AKR1C1: variants seen among roughly 807,000 people sequenced by gnomAD.
AKR1C1 encodes 20 alpha-hydroxysteroid dehydrogenase.
Under a neutral mutation model 40.6 loss-of-function variants are expected in AKR1C1, and 32 were observed. That is an observed-to-expected ratio of 0.79 (90% CI 0.60 to 1.06). AKR1C1 has a LOEUF of 1.06. Ranked by LOEUF, AKR1C1 falls within the 50% of genes least tolerant of loss-of-function variation. The probability of loss-of-function intolerance (pLI) is 0.00; values close to 1 mark genes in which losing one functional copy is unlikely to be tolerated. For synonymous variants in AKR1C1, 105 were observed against 134.2 expected (o/e 0.78, Z 1.50); for missense variants, 320 against 363.5 (o/e 0.88, Z 0.97).
intron 8 of AKR1C1, 147 bp from the exon 9 acceptor site, chr10:4,977,553 T>C: frequency 1.1e-6 from 1 of 885,112 alleles, no homozygotes; most frequent in Non-Finnish European, 1.7e-6. Context: ...GTCACATTCA[T>C]TAAACAAAGA....
chr10:4,966,970 T>G lies in AKR1C1; in HGVS notation c.296T>G (p.Leu99Trp). Residue 99 changes from leucine to tryptophan, a missense_variant, in exon 3 of 9, where the codon TTG (leucine) becomes TGG (tryptophan). Physicochemically the swap from Leu to Trp is moderately conservative, Grantham distance 61. Transcript: ENST00000380872. Reference protein sequence around the residue: ...SHRPELVRPALERSLKNLQLD... With the variant: ...SHRPELVRPAWERSLKNLQLD... Reference sequence around the variant, plus strand: ...CGACCAGAGTTGGTCCGACCAGCCTTGGAAAGGTCACTGAAAAATCTTCAA... The same window carrying G: ...CGACCAGAGTTGGTCCGACCAGCCTGGGAAAGGTCACTGAAAAATCTTCAA... 1 of 1,613,948 alleles carries G rather than the reference T, an allele frequency of 6.2e-7. No individual in the cohort carries two copies. The highest frequency in any genetic ancestry group is 1.7e-4 in the Middle Eastern group (1 of 6,056).
intron 8 of AKR1C1, among the ~76,000 whole-genome samples, chr10:4,977,228 C>G (rs75527127): frequency 0.016 from 2,509 of 152,276 alleles, 30 homozygotes; most frequent in Non-Finnish European, 0.023. Flanking sequence ...TGAATCTAAC[C>G]AACTATGTTG....
At chr10:4,969,738 T>C (rs182016868) in intron 5 of AKR1C1, 39 of 1,611,868 alleles carry the variant, frequency 2.4e-5, no homozygotes, top group Admixed American at 6.7e-5. Context: ...CTTGATCAAA[T>C]TGACTGTCCC....
chr10:4,971,583 A>G (rs776862272), intron 5 of AKR1C1, among the ~76,000 whole-genome samples: 119 of 148,290 alleles, frequency 8.0e-4, no homozygotes, highest in Non-Finnish European at 1.5e-3. Flanking sequence ...AAAAGACAAA[A>G]GCACTTGTTT....
Position 4,977,972 on chromosome 10 carries a change from G to T in AKR1C1, c.*230G>T. 8.6e-6 allele frequency: 5 copies of T among 579,976 alleles called. No individual in the cohort carries two copies. Among genetic ancestry groups the T allele is most frequent in the Non-Finnish European group, 1.5e-5 (5 of 336,534 alleles). 35.9% of individuals were successfully genotyped at this position (579,976 alleles called of 1,614,324 possible). On this transcript the variant is annotated 3_prime_UTR_variant, in exon 9 of 9. Transcript: ENST00000380872. ...TCCTAAAGATTCTTCACCTACTTTGGTCTCCATAACTTCTATGTTTTCTTT... is the reference window on the plus strand; with the variant it reads ...TCCTAAAGATTCTTCACCTACTTTGTTCTCCATAACTTCTATGTTTTCTTT...
chr10:4,966,975 A>G lies in AKR1C1; in HGVS notation c.301A>G (p.Arg101Gly), dbSNP rs1223380315. The G allele has an allele frequency of 6.2e-7, 1 of 1,613,948 alleles. No individual in the cohort carries two copies. The highest frequency in any genetic ancestry group is 8.5e-7 in the Non-Finnish European group (1 of 1,179,838). Residue 101 changes from arginine (R) to glycine (G), a missense_variant, in exon 3 of 9, where the codon AGG becomes GGG. Coordinates refer to ENST00000380872, the MANE Select transcript of AKR1C1 (RefSeq NM_001353.6). ...AGAGTTGGTCCGACCAGCCTTGGAA[A>G]GGTCACTGAAAAATCTTCAATTGGA... ...RPELVRPALERSLKNLQLDYV... is the reference protein window; with the variant it reads ...RPELVRPALEGSLKNLQLDYV...
intron 5 of AKR1C1, among the ~76,000 whole-genome samples, chr10:4,970,181 G>A (rs2131643416): frequency 6.6e-6 from 1 of 152,238 alleles, no homozygotes; most frequent in East Asian, 1.9e-4. Flanking sequence ...GCATGTCACA[G>A]GAATGAAGAT....
At chr10:4,971,092 A>C (rs1836419714) in intron 5 of AKR1C1, among the ~76,000 whole-genome samples, 1 of 151,998 alleles carries the variant, frequency 6.6e-6, no homozygotes, top group Non-Finnish European at 1.5e-5. Flanking sequence ...CCCATGACAA[A>C]TTTTCACATA....
intron 1 of AKR1C1, 75 bp from the exon 2 acceptor site, chr10:4,965,839 G>A: frequency 1.3e-6 from 2 of 1,521,372 alleles, no homozygotes; most frequent in South Asian, 1.3e-5. Flanking sequence ...TGATTTTTGT[G>A]AACGTCGCTA....
rs754902813 is a variant in AKR1C1, at chr10:4,966,983, G to A, written c.309G>A (p.Leu103=). ...TCCGACCAGCCTTGGAAAGGTCACTGAAAAATCTTCAATTGGATTATGTTG... is the reference window on the plus strand; with the variant it reads ...TCCGACCAGCCTTGGAAAGGTCACTAAAAAATCTTCAATTGGATTATGTTG... ...ELVRPALERS[L]KNLQLDYVDL... The change falls in exon 3 of 9, where the codon CTG becomes CTA. Residue 103 remains leucine (L), a synonymous_variant. Transcript: ENST00000380872. 3 of 1,613,750 alleles carry A rather than the reference G, an allele frequency of 1.9e-6. No individual in the cohort carries two copies. The highest frequency in any genetic ancestry group is 2.5e-6 in the Non-Finnish European group (3 of 1,179,818).
At chr10:4,969,159 T>A (rs1030125558) in intron 5 of AKR1C1, among the ~76,000 whole-genome samples, 1 of 152,216 alleles carries the variant, frequency 6.6e-6, no homozygotes, top group Non-Finnish European at 1.5e-5. Flanking sequence ...AATTGTGTGT[T>A]ATATTTATGG....
At chr10:4,969,690 A>C in intron 5 of AKR1C1, 1 of 1,611,918 alleles carries the variant, frequency 6.2e-7, no homozygotes, top group Non-Finnish European at 8.5e-7. Context: ...AGATAATTCC[A>C]TCTTTTCCTT....
chr10:4,968,059 A>C, intron 3 of AKR1C1: 1 of 547,094 alleles, frequency 1.8e-6, no homozygotes, highest in Admixed American at 3.9e-5. Context: ...AAAGTCAATG[A>C]TGACACTCCA....
In AKR1C1 at chr10:4,975,558, C is replaced by A. The variant is rs555255641; in HGVS notation, c.847-293C>A. On this transcript the variant is annotated intron_variant, in intron 7 of 8. Coordinates refer to ENST00000380872, the MANE Select transcript of AKR1C1 (RefSeq NM_001353.6). The stretch of plus-strand genomic sequence containing the variant: ...CTTGTGGGTCTTCTAGGTACATGAC[C>A]CTATCATGTGGGCACAAAGTAAGCT... 2.0e-5 allele frequency among the ~76,000 whole-genome samples: 3 copies of A among 152,030 alleles called. No homozygotes were observed. In the East Asian group the frequency reaches 5.8e-4, roughly 29 times the overall value.
At chr10:4,973,417 C>T (rs1250107776) in intron 7 of AKR1C1, among the ~76,000 whole-genome samples, 11 of 152,300 alleles carry the variant, frequency 7.2e-5, no homozygotes, top group Admixed American at 2.6e-4. Flanking sequence ...CAGGATGTCC[C>T]TGGGGCATCT....
chr10:4,976,543 T>G (rs1836528739), intron 8 of AKR1C1, among the ~76,000 whole-genome samples: 1 of 152,222 alleles, frequency 6.6e-6, no homozygotes, highest in African/African-American at 2.4e-5. Context: ...CACTTGGCCT[T>G]GGTGTTCTGC....
rs1320804054 is a variant in AKR1C1 at position 4,979,662 on chromosome 10, A to C, written c.*1920A>C. On this transcript the variant is annotated 3_prime_UTR_variant, in exon 9 of 9. Coordinates refer to ENST00000380872, the MANE Select transcript of AKR1C1 (RefSeq NM_001353.6). ...TAATCATTAGGTCAGTCATTTGTAA[A>C]TAGTACATCTGCTATGGACTTTTTC... The C allele has an allele frequency of 1.3e-5, 2 of 152,220 alleles. No individual in the cohort carries two copies. Among genetic ancestry groups the C allele is most frequent in the Non-Finnish European group, 2.9e-5 (2 of 68,034 alleles). 9.4% of individuals were successfully genotyped at this position (152,220 alleles called of 1,614,324 possible).
intron 5 of AKR1C1, among the ~76,000 whole-genome samples, chr10:4,970,817 G>A (rs1836413332): frequency 8.6e-6 from 1 of 116,340 alleles, no homozygotes; most frequent in African/African-American, 3.2e-5. Flanking sequence ...TTGTGGGGTG[G>A]GGGGAGGGGG....
intron 5 of AKR1C1, chr10:4,969,749 C>G: frequency 6.2e-7 from 1 of 1,610,622 alleles, no homozygotes; most frequent in African/African-American, 1.3e-5. Context: ...TGACTGTCCC[C>G]AAATGTTACA....
Sources: allele counts gnomAD v4.1 joint callset (sites outside exome capture counted in the v4.1 genomes callset), GRCh38; gene constraint gnomAD v4.1.1; transcripts MANE v1.5; gene names NCBI Gene and HGNC (gene_info 2026-07-23, HGNC 2026-07-21).